Variants in CUX1 observed in about 807,000 individuals in gnomAD.
The protein encoded by CUX1 is cut like homeobox 1.
CUX1 carries 31 observed loss-of-function variants against 158.8 expected under a neutral mutation model. The observed-to-expected ratio is 0.20, with a 90% confidence interval of 0.15 to 0.26. The LOEUF (loss-of-function observed/expected upper bound fraction) is 0.26, where lower values mean the gene tolerates loss of function less well. Among genes scored for constraint, CUX1 ranks in the 10% least tolerant of loss-of-function variants. The pLI, the probability that CUX1 is intolerant of heterozygous loss-of-function variation, is 1.00. For synonymous variants in CUX1, 879 were observed against 862.1 expected (o/e 1.02, Z -0.34); for missense variants, 1,589 against 2,014.6 (o/e 0.79, Z 4.04).
chr7:102,005,232 A>G (rs1227830908), intron 2 of CUX1, among the ~76,000 whole-genome samples: 1 of 152,230 alleles, frequency 6.6e-6, no homozygotes, highest in Non-Finnish European at 1.5e-5. Context: ...GATGCATTAA[A>G]AAATCTCCAC....
chr7:101,913,828 C>T (rs143017074), intron 1 of CUX1, among the ~76,000 whole-genome samples: 240 of 152,284 alleles, frequency 1.6e-3, no homozygotes, highest in Non-Finnish European at 2.6e-3. Context: ...GCGATTGGAA[C>T]GAAACATCAA....
intron 2 of CUX1, among the ~76,000 whole-genome samples, chr7:101,954,440 G>A (rs1180393307): frequency 6.6e-6 from 1 of 152,200 alleles, no homozygotes; most frequent in East Asian, 1.9e-4. Context: ...GTAAATATTT[G>A]TGTGGCTTGG....
At chr7:101,899,163 G>A (rs973029510) in intron 1 of CUX1, among the ~76,000 whole-genome samples, 2 of 152,220 alleles carry the variant, frequency 1.3e-5, no homozygotes, top group African/African-American at 2.4e-5. Context: ...ATGGTGATGG[G>A]GTGGAGTGGG....
chr7:102,086,615 TG>T (rs1242783409), intron 4 of CUX1, among the ~76,000 whole-genome samples: 1 of 151,596 alleles, frequency 6.6e-6, no homozygotes. Context: ...CTTTTTTCGT[TG>T]TTTTTTTTTT....
At chr7:102,093,032 T>C (rs1475142447) in intron 4 of CUX1, among the ~76,000 whole-genome samples, 1 of 152,008 alleles carries the variant, frequency 6.6e-6, no homozygotes, top group Non-Finnish European at 1.5e-5. Context: ...TTTACATGCA[T>C]GGCTTATCTC....
At chr7:102,018,378 T>C (rs941724252) in intron 2 of CUX1, among the ~76,000 whole-genome samples, 11 of 152,194 alleles carry the variant, frequency 7.2e-5, no homozygotes, top group Admixed American at 7.2e-4. Context: ...GAATTTGGCT[T>C]CTCCCATTTC....
chr7:101,992,043 G>A (rs1246540895), intron 2 of CUX1, among the ~76,000 whole-genome samples: 1 of 152,196 alleles, frequency 6.6e-6, no homozygotes, highest in Non-Finnish European at 1.5e-5. Context: ...TGTATCAGTA[G>A]GTTAATCTAG....
chr7:102,043,936 G>A (rs995424291), intron 3 of CUX1, among the ~76,000 whole-genome samples: 3 of 152,058 alleles, frequency 2.0e-5, no homozygotes, highest in African/African-American at 7.2e-5. Flanking sequence ...AAATTTTCCA[G>A]ATGATTAAAG....
chr7:101,969,774 G>C (rs748123733), intron 2 of CUX1, among the ~76,000 whole-genome samples: 1 of 152,020 alleles, frequency 6.6e-6, no homozygotes, highest in Non-Finnish European at 1.5e-5. Context: ...TTGAAAATGT[G>C]TGCAGTGTAT....
At chr7:102,081,873 G>A (rs935665146) in intron 4 of CUX1, among the ~76,000 whole-genome samples, 8 of 146,410 alleles carry the variant, frequency 5.5e-5, no homozygotes, top group African/African-American at 1.7e-4. Flanking sequence ...TGATGCGTCC[G>A]CCTCCGCCTC....
chr7:102,160,055 C>T (rs1359016854), intron 9 of CUX1, among the ~76,000 whole-genome samples: 5 of 152,062 alleles, frequency 3.3e-5, no homozygotes, highest in Admixed American at 6.6e-5. Flanking sequence ...GTGACATGCA[C>T]CTGTCATCCC....
intron 19 of CUX1, 120 bp downstream of exon 19, chr7:102,204,676 C>A (rs1795773001): frequency 6.2e-6 from 8 of 1,280,444 alleles, no homozygotes; most frequent in Non-Finnish European, 8.5e-6. Context: ...AGGTGGCCAA[C>A]CACACTCCCC....
intron 14 of CUX1, chr7:102,264,881 C>G (rs1293206790): frequency 6.6e-6 from 1 of 152,446 alleles, no homozygotes. Flanking sequence ...TGGTTCTGCT[C>G]TTAGTACGGA....
At chr7:102,181,482 C>T (rs574841391) in intron 11 of CUX1, among the ~76,000 whole-genome samples, 70 of 152,262 alleles carry the variant, frequency 4.6e-4, no homozygotes, top group African/African-American at 1.7e-3. Context: ...TATTATAGAG[C>T]AATTTCTTCC....
intron 2 of CUX1, among the ~76,000 whole-genome samples, chr7:101,941,399 G>C (rs1000703269): frequency 1.3e-5 from 2 of 152,226 alleles, no homozygotes; most frequent in Non-Finnish European, 2.9e-5. Flanking sequence ...GCGGTAGCTG[G>C]ATTGTCTCTG....
chr7:101,822,101 G>C (rs1023489263), intron 1 of CUX1: 5 of 151,994 alleles, frequency 3.3e-5, no homozygotes, highest in African/African-American at 1.2e-4. Flanking sequence ...TGATCTGCCC[G>C]CCTCGGCCTC....
intron 2 of CUX1, among the ~76,000 whole-genome samples, chr7:102,003,295 AACACACACACACACACACACACAC>A (rs56760446): frequency 3.8e-5 from 5 of 131,970 alleles, no homozygotes; most frequent in Non-Finnish European, 6.4e-5. Context: ...CCTGGTGCCG[AACACACACACACACACACACACAC>A]ACACACACAC....
intron 8 of CUX1, among the ~76,000 whole-genome samples, chr7:102,148,368 GTC>G (rs1489509892): frequency 6.6e-6 from 1 of 151,966 alleles, no homozygotes; most frequent in African/African-American, 2.4e-5. Flanking sequence ...GTGAAACCCC[GTC>G]TCTACTAAAA....
At chr7:102,202,275 G>T in intron 18 of CUX1, 71 bp downstream of exon 18, 12 of 1,521,430 alleles carry the variant, frequency 7.9e-6, no homozygotes, top group Non-Finnish European at 1.1e-5. Context: ...TATCTATCCC[G>T]CAGCCTGTGA....
Sources: allele counts gnomAD v4.1 joint callset (sites outside exome capture counted in the v4.1 genomes callset), GRCh38; gene constraint gnomAD v4.1.1; transcripts MANE v1.5; gene names NCBI Gene and HGNC (gene_info 2026-07-23, HGNC 2026-07-21).